The following THEM4 variants were observed in gnomAD, a reference collection of about 807,000 sequenced individuals.
THEM4 encodes the protein thioesterase superfamily member 4, also known as acyl-coenzyme A thioesterase THEM4.
In THEM4, 22 loss-of-function variants were observed where a neutral mutation model predicts 25.0. The observed-to-expected ratio is 0.88, with a 90% CI of 0.63 to 1.26. THEM4 has a LOEUF of 1.26. Among genes scored for constraint, THEM4 ranks in the 50% most tolerant of loss-of-function variants. The probability of loss-of-function intolerance (pLI) is 0.00; values close to 1 mark genes in which losing one functional copy is unlikely to be tolerated. For missense variants in THEM4, 286 were observed against 300.3 expected, an observed-to-expected ratio of 0.95 and a Z score of 0.35; for synonymous variants, 113 against 105.6, an observed-to-expected ratio of 1.07 and a Z score of -0.43.
At position 151,873,881 on chromosome 1, in the gene THEM4, G is replaced by A. The variant is rs1368333121; in HGVS notation, c.*1007C>T. 6.6e-6 allele frequency: 1 copy of A among 152,204 alleles called. No homozygotes were observed. The allele number at this position is 152,204 out of a possible 1,614,324, so 9.4% of individuals were successfully genotyped here. ...TAGCACTTTCAGGAGAATGGCCTTG[G>A]TCAACACCTTGATTTTGAACTTCTG... On this transcript the variant is annotated 3_prime_UTR_variant, in exon 6 of 6. Coordinates refer to ENST00000368814, the MANE Select transcript of THEM4 (RefSeq NM_053055.5).
chr1:151,878,332 C>A (rs1364622181), intron 4 of THEM4, among the ~76,000 whole-genome samples: 1 of 152,180 alleles, frequency 6.6e-6, no homozygotes, highest in Non-Finnish European at 1.5e-5. Flanking sequence ...TGGGCACAGG[C>A]TGAAATAGTC....
At chr1:151,875,580 A>G (rs1300780100) in intron 5 of THEM4, among the ~76,000 whole-genome samples, 1 of 152,232 alleles carries the variant, frequency 6.6e-6, no homozygotes, top group Non-Finnish European at 1.5e-5. Context: ...ATAAATCAGT[A>G]AGAAAATGAG....
intron 1 of THEM4, 140 bp from the exon 2 acceptor site, chr1:151,895,334 G>A: frequency 1.3e-6 from 1 of 745,220 alleles, no homozygotes; most frequent in South Asian, 1.9e-5. Flanking sequence ...GGAATTTCAG[G>A]GATCATCTGG....
In THEM4 at chr1:151,874,676, G is replaced by A. The variant is rs546470718; in HGVS notation, c.*212C>T. 20 of 620,402 alleles carry A rather than the reference G, an allele frequency of 3.2e-5. No individual in the cohort carries two copies. Among genetic ancestry groups the A allele is most frequent in the Admixed American group, 2.3e-4 (8 of 35,280 alleles). The allele number at this position is 620,402 out of a possible 1,614,324, so 38.4% of individuals were successfully genotyped here. A position where few individuals can be genotyped will look rare whatever the true frequency, so the allele number is the denominator to read the frequency against. ...AGGTGTGAGCCACAGCGCCTGGCCCGAGAGTTGTCGATATGCTCGCAGGAA... is the reference window on the plus strand; with the variant it reads ...AGGTGTGAGCCACAGCGCCTGGCCCAAGAGTTGTCGATATGCTCGCAGGAA... On this transcript the variant is annotated 3_prime_UTR_variant, in exon 6 of 6. Transcript: ENST00000368814.
At chr1:151,887,968 T>C (rs991083595) in intron 4 of THEM4, among the ~76,000 whole-genome samples, 1 of 152,158 alleles carries the variant, frequency 6.6e-6, no homozygotes, top group African/African-American at 2.4e-5. Flanking sequence ...CTATGACCAA[T>C]ACATGCGAGA....
At position 151,895,706 on chromosome 1, in the gene THEM4, A is replaced by T. The variant is rs1654207962; in HGVS notation, c.100-512T>A. On this transcript the variant is annotated intron_variant, in intron 1 of 5. Transcript: ENST00000368814. ...GGAAAAAAAAAAAAAACACTGGAAT[A>T]TAGTTTGGATGTGTGTTCCCGCTCA... is the stretch of plus-strand genomic sequence containing the variant. 2.0e-5 allele frequency among the ~76,000 whole-genome samples: 3 copies of T among 151,022 alleles called. No individual in the cohort carries two copies. In the South Asian group the frequency reaches 6.3e-4, roughly 32 times the overall value.
intron 2 of THEM4, 110 bp downstream of exon 2, chr1:151,894,898 A>C: frequency 8.0e-7 from 1 of 1,250,470 alleles, no homozygotes; most frequent in Non-Finnish European, 1.2e-6. Flanking sequence ...ATAGAACCAT[A>C]ATCCTGCATT....
chr1:151,877,126 C>T lies in THEM4; in HGVS notation c.558-1G>A. ...AACAACAGAACAAAGAGGGATAGGTCTGCAGAATAAAATGAAAAAGGAAAA... is the reference window on the plus strand; with the variant it reads ...AACAACAGAACAAAGAGGGATAGGTTTGCAGAATAAAATGAAAAAGGAAAA... On this transcript the variant is annotated splice_acceptor_variant, in intron 4 of 5. Transcript: ENST00000368814. LOFTEE classifies it high-confidence loss of function. 1.9e-6 allele frequency: 3 copies of T among 1,595,918 alleles called. No individual in the cohort carries two copies. The highest frequency in any genetic ancestry group is 2.6e-6 in the Non-Finnish European group (3 of 1,175,490).
intron 1 of THEM4, among the ~76,000 whole-genome samples, chr1:151,909,123 C>A (rs1572086676): frequency 1.3e-5 from 2 of 152,166 alleles, no homozygotes; most frequent in East Asian, 3.8e-4. Flanking sequence ...AGCGCCCTGC[C>A]GACCCTGTCT....
intron 1 of THEM4, among the ~76,000 whole-genome samples, chr1:151,899,384 G>A (rs981955164): frequency 2.6e-5 from 4 of 151,858 alleles, no homozygotes; most frequent in Admixed American, 6.6e-5. Flanking sequence ...CCAGCTACTC[G>A]GGAGGCTGAG....
intron 2 of THEM4, among the ~76,000 whole-genome samples, chr1:151,894,402 G>T (rs1334524519): frequency 6.6e-6 from 1 of 152,172 alleles, no homozygotes; most frequent in Admixed American, 6.5e-5. Flanking sequence ...CTCATCAATT[G>T]TAACAAATAC....
chr1:151,882,232 C>T (rs1473336927), intron 4 of THEM4, among the ~76,000 whole-genome samples: 1 of 152,008 alleles, frequency 6.6e-6, no homozygotes, highest in Non-Finnish European at 1.5e-5. Flanking sequence ...AGAAATTAGC[C>T]GGGCATGGTG....
intron 1 of THEM4, among the ~76,000 whole-genome samples, chr1:151,905,458 C>T (rs1654436930): frequency 6.6e-6 from 1 of 151,622 alleles, no homozygotes; most frequent in South Asian, 2.1e-4. Flanking sequence ...GTTTGGCGCT[C>T]AAATATGGGG....
chr1:151,895,969 C>T (rs1224291426), intron 1 of THEM4, among the ~76,000 whole-genome samples: 1 of 149,348 alleles, frequency 6.7e-6, no homozygotes, highest in Non-Finnish European at 1.5e-5. Flanking sequence ...TCTGCCATGA[C>T]TGTAAGTTTT....
At chr1:151,894,402 G>GT (rs1654171639) in intron 2 of THEM4, among the ~76,000 whole-genome samples, 1 of 152,172 alleles carries the variant, frequency 6.6e-6, no homozygotes, top group African/African-American at 2.4e-5. Context: ...CTCATCAATT[G>GT]TAACAAATAC....
intron 2 of THEM4, among the ~76,000 whole-genome samples, chr1:151,893,563 T>C (rs1222794741): frequency 3.3e-5 from 5 of 151,996 alleles, no homozygotes; most frequent in African/African-American, 9.7e-5. Context: ...ATGGAAGGCT[T>C]GGTCTCCCTA....
intron 4 of THEM4, among the ~76,000 whole-genome samples, chr1:151,881,694 T>TA (rs1358974138): frequency 2.6e-5 from 4 of 152,252 alleles, no homozygotes; most frequent in African/African-American, 9.6e-5. Flanking sequence ...CTCTTGCTTC[T>TA]AAAAAGCAAG....
chr1:151,888,276 T>A lies in THEM4; in HGVS notation c.554A>T (p.Lys185Ile). Residue 185 changes from lysine (K) to isoleucine (I), a missense_variant, in exon 4 of 6, where the codon AAA (lysine) becomes ATA (isoleucine). Coordinates refer to ENST00000368814, the MANE Select transcript of THEM4 (RefSeq NM_053055.5). ...TAGAGAATTACTGTGAATTTACCTT[T>A]TATAATTGATGTTGAGATTGGCAGT... is the stretch of plus-strand genomic sequence containing the variant. ...VMTANLNINY[K>I]RPIPLCSVVM... 6.2e-7 allele frequency: 1 copy of A among 1,611,176 alleles called. No individual in the cohort carries two copies. Among genetic ancestry groups the A allele is most frequent in the South Asian group, 1.1e-5 (1 of 90,832 alleles).
At chr1:151,884,024 G>A (rs1383721296) in intron 4 of THEM4, among the ~76,000 whole-genome samples, 3 of 151,640 alleles carry the variant, frequency 2.0e-5, no homozygotes, top group East Asian at 3.9e-4. Flanking sequence ...GCAGTGAGCT[G>A]AGATTGCGCC....
Sources: allele counts gnomAD v4.1 joint callset (sites outside exome capture counted in the v4.1 genomes callset), GRCh38; gene constraint gnomAD v4.1.1; transcripts MANE v1.5; gene names NCBI Gene and HGNC (gene_info 2026-07-23, HGNC 2026-07-21).